Variants in SNX31 observed in about 807,000 individuals in gnomAD.
SNX31 encodes sorting nexin 31.
In SNX31, 58 loss-of-function variants were observed where a neutral mutation model predicts 65.4. The observed-to-expected ratio is 0.89, with a 90% CI of 0.72 to 1.10. The LOEUF is 1.10. SNX31 is among the 50% of genes least tolerant of loss of function. The probability of loss-of-function intolerance (pLI) is 0.00; values close to 1 mark genes in which losing one functional copy is unlikely to be tolerated. For missense variants in SNX31, 523 were observed against 529.7 expected (o/e 0.99, Z 0.12); for synonymous variants, 181 against 190.1 (o/e 0.95, Z 0.39).
chr8:100,657,724 C>T (rs749766208), intron 1 of SNX31: 1 of 455,692 alleles, frequency 2.2e-6, no homozygotes, highest in South Asian at 1.5e-5. Flanking sequence ...GTGCAGTCAC[C>T]TGGTGAAGGT....
At chr8:100,593,427 G>A (rs912128257) in intron 10 of SNX31, among the ~76,000 whole-genome samples, 1 of 152,064 alleles carries the variant, frequency 6.6e-6, no homozygotes, top group Non-Finnish European at 1.5e-5. Flanking sequence ...GTTGGGGATG[G>A]GGGGATAACC....
rs1816530883 is a variant in SNX31 at position 100,609,699 on chromosome 8, T to C, written c.612-1136A>G. ...TGGCTTAGACCAGGAAAGGGATAAA[T>C]ATGGTGCTTGAAGGTCAACTTCATT... On this transcript the variant is annotated intron_variant, in intron 7 of 13. Coordinates refer to ENST00000311812, the MANE Select transcript of SNX31 (RefSeq NM_152628.4). The surrounding 1 kb of genome is among the most constrained non-coding windows in gnomAD (Gnocchi z 4.9). Among the ~76,000 whole-genome samples the C allele has an allele frequency of 6.6e-6, 1 of 152,062 alleles. No individual in the cohort carries two copies. Among genetic ancestry groups the C allele is most frequent in the Admixed American group, 6.5e-5 (1 of 15,276 alleles).
chr8:100,641,090 T>C (rs79076987), intron 2 of SNX31, among the ~76,000 whole-genome samples: 1 of 151,712 alleles, frequency 6.6e-6, no homozygotes, highest in African/African-American at 2.4e-5. Context: ...TTTCAAAAAT[T>C]AAGTTTATTT....
rs924491166 is a variant in SNX31 at position 100,588,486 on chromosome 8, G to C, written c.1092+380C>G. On this transcript the variant is annotated intron_variant, in intron 11 of 13. Coordinates refer to ENST00000311812, the MANE Select transcript of SNX31 (RefSeq NM_152628.4). This position sits in a 1 kb window ranked among gnomAD's most constrained non-coding sequence, Gnocchi z 4.8. Reference sequence around the variant, plus strand: ...ATAAAGTTTTATTGGAACATAGCCAGACTCACTTGTTTATATACTGCCTAT... The same window carrying C: ...ATAAAGTTTTATTGGAACATAGCCACACTCACTTGTTTATATACTGCCTAT... Among the ~76,000 whole-genome samples, 1 of 152,188 alleles carries C rather than the reference G, an allele frequency of 6.6e-6. No homozygotes were observed. Among genetic ancestry groups the C allele is most frequent in the Non-Finnish European group, 1.5e-5 (1 of 68,030 alleles).
rs1000472116 is a variant in SNX31, at chr8:100,610,392, T to C, written c.611+1608A>G. On this transcript the variant is annotated intron_variant, in intron 7 of 13. Transcript: ENST00000311812. This position sits in a 1 kb window ranked among gnomAD's most constrained non-coding sequence, Gnocchi z 4.0. ...TTTTTTTTGCTTCCTATAATCACCA[T>C]CATCATCAATATAACAGTCACAAAC... Among the ~76,000 whole-genome samples, 6 of 150,730 alleles carry C rather than the reference T, an allele frequency of 4.0e-5. No individual in the cohort carries two copies. The highest frequency in any genetic ancestry group is 6.6e-5 in the Admixed American group (1 of 15,122).
At position 100,578,779 on chromosome 8, in the gene SNX31, T is replaced by C. The variant is rs899707881; in HGVS notation, c.1171-1704A>G. The stretch of plus-strand genomic sequence containing the variant: ...CTGTGTTGCCCAGGCTAGAGTGCAG[T>C]GGCACAATCTTGGCTCACTGCAACC... On this transcript the variant is annotated intron_variant, in intron 12 of 13. Coordinates refer to ENST00000311812, the MANE Select transcript of SNX31 (RefSeq NM_152628.4). The surrounding 1 kb of genome is among the most constrained non-coding windows in gnomAD (Gnocchi z 4.7). Among the ~76,000 whole-genome samples, 2 of 152,022 alleles carry C rather than the reference T, an allele frequency of 1.3e-5. No homozygotes were observed. Among genetic ancestry groups the C allele is most frequent in the Non-Finnish European group, 2.9e-5 (2 of 68,006 alleles).
intron 12 of SNX31, among the ~76,000 whole-genome samples, chr8:100,580,930 TCAGGCTTTTGTA>T (rs1466766517): frequency 2.0e-5 from 3 of 152,162 alleles, no homozygotes; most frequent in African/African-American, 7.2e-5. Flanking sequence ...GGAAATTGAT[TCAGGCTTTTGTA>T]CAGGAGCATA....
At chr8:100,661,742 C>A (rs1248486325) in intron 1 of SNX31, among the ~76,000 whole-genome samples, 1 of 151,830 alleles carries the variant, frequency 6.6e-6, no homozygotes, top group East Asian at 1.9e-4. Context: ...TTTGTTCAGG[C>A]TAGTCTCAAA....
At chr8:100,600,592 A>G (rs1348857792) in intron 8 of SNX31, 151 bp from the exon 9 acceptor site, 13 of 575,052 alleles carry the variant, frequency 2.3e-5, no homozygotes, top group Non-Finnish European at 3.8e-5. Flanking sequence ...TTTTTAAATT[A>G]GTAAGAAGAG....
At chr8:100,607,950 G>T (rs1452576528) in intron 8 of SNX31, among the ~76,000 whole-genome samples, 2 of 152,220 alleles carry the variant, frequency 1.3e-5, no homozygotes, top group Non-Finnish European at 2.9e-5. Flanking sequence ...GGAGCCAATG[G>T]CAGGCAGGTT....
intron 4 of SNX31, among the ~76,000 whole-genome samples, chr8:100,627,161 G>A (rs954140478): frequency 1.3e-5 from 2 of 152,186 alleles, no homozygotes; most frequent in African/African-American, 4.8e-5. Flanking sequence ...AGACCAGCCT[G>A]ACCAACATGG....
At chr8:100,632,238 C>T (rs531823911) in intron 3 of SNX31, among the ~76,000 whole-genome samples, 53 of 152,286 alleles carry the variant, frequency 3.5e-4, no homozygotes, top group African/African-American at 1.3e-3. Flanking sequence ...AAAGCGAACC[C>T]TCAAGCACGG....
intron 2 of SNX31, among the ~76,000 whole-genome samples, chr8:100,638,543 G>A (rs1215800457): frequency 1.3e-5 from 2 of 152,154 alleles, no homozygotes; most frequent in Non-Finnish European, 2.9e-5. Context: ...TTTTTTTGGT[G>A]GTTGGTTGTT....
At position 100,575,490 on chromosome 8, in the gene SNX31, C is replaced by T. The variant is rs1284721765; in HGVS notation, c.1227+1529G>A. 6.6e-6 allele frequency among the ~76,000 whole-genome samples: 1 copy of T among 152,190 alleles called. No individual in the cohort carries two copies. The highest frequency in any genetic ancestry group is 2.4e-5 in the African/African-American group (1 of 41,450). On this transcript the variant is annotated intron_variant, in intron 13 of 13. Transcript: ENST00000311812. This position sits in a 1 kb window ranked among gnomAD's most constrained non-coding sequence, Gnocchi z 5.1. ...TACTCACAGCATGAGATAGGTTGGC[C>T]TGTATTAGAGTTACCACTCATCCGA...
intron 12 of SNX31, among the ~76,000 whole-genome samples, chr8:100,581,391 T>C (rs1378255114): frequency 6.7e-6 from 1 of 148,934 alleles, no homozygotes; most frequent in Non-Finnish European, 1.5e-5. Flanking sequence ...GTTGTGGCTG[T>C]ATGTTTACAT....
rs1297958829 is a variant in SNX31 at position 100,578,699 on chromosome 8, A to T, written c.1171-1624T>A. Among the ~76,000 whole-genome samples, 1 of 149,654 alleles carries T rather than the reference A, an allele frequency of 6.7e-6. No homozygotes were observed. The highest frequency in any genetic ancestry group is 6.6e-5 in the Admixed American group (1 of 15,058). On this transcript the variant is annotated intron_variant, in intron 12 of 13. Coordinates refer to ENST00000311812, the MANE Select transcript of SNX31 (RefSeq NM_152628.4). The surrounding 1 kb of genome is among the most constrained non-coding windows in gnomAD (Gnocchi z 4.7). ...TTTCAATGATTTTTTATTTTATTTT[A>T]TTTTATTTTATTTTATTTTATTTTA... is the stretch of plus-strand genomic sequence containing the variant.
chr8:100,601,690 A>G (rs1732814429), intron 8 of SNX31, among the ~76,000 whole-genome samples: 1 of 152,220 alleles, frequency 6.6e-6, no homozygotes, highest in African/African-American at 2.4e-5. Flanking sequence ...GGTAACCATC[A>G]TCAGCAAGTG....
At chr8:100,649,793 C>G (rs1819905977), upstream of SNX31, 2 of 397,044 alleles carry the variant, frequency 5.0e-6, no homozygotes, top group Non-Finnish European at 4.4e-6. Flanking sequence ...CCCCGGACAT[C>G]GGCCACTGTT....
rs1586946861 is a variant in SNX31 at position 100,612,476 on chromosome 8, C to G, written c.524-389G>C. Among the ~76,000 whole-genome samples the G allele has an allele frequency of 1.6e-5, 2 of 122,820 alleles. No individual in the cohort carries two copies. The highest frequency in any genetic ancestry group is 3.4e-5 in the Non-Finnish European group (2 of 58,554). 80.6% of individuals were successfully genotyped at this position (122,820 alleles called of 152,430 possible). ...ATAAACTACTTTAATATAACTGATA[C>G]CATTTTACAAAAAAAAAAAACTTGT... is the stretch of plus-strand genomic sequence containing the variant. On this transcript the variant is annotated intron_variant, in intron 6 of 13. Transcript: ENST00000311812. This position sits in a 1 kb window ranked among gnomAD's most constrained non-coding sequence, Gnocchi z 4.3.
Sources: gnomAD v4.1 joint callset for allele counts (sites outside exome capture counted in the v4.1 genomes callset) on GRCh38, gnomAD v4.1.1 for gene constraint, Gnocchi (gnomAD v3.1) non-coding constraint, MANE v1.5 for transcripts, NCBI Gene and HGNC (gene_info 2026-07-23, HGNC 2026-07-21) for gene names.